Variants in SHCBP1 observed in about 807,000 individuals in gnomAD.
SHCBP1 encodes the protein SHC SH2 domain-binding protein 1.
In SHCBP1, 60 loss-of-function variants were observed where a neutral mutation model predicts 75.1. That is an observed-to-expected ratio of 0.80 (90% CI 0.65 to 0.99). The LOEUF is 0.99. Among genes scored for constraint, SHCBP1 ranks in the 50% least tolerant of loss-of-function variants. The pLI is 0.00. For synonymous variants in SHCBP1, 290 were observed against 293.2 expected, an observed-to-expected ratio of 0.99 and a Z score of 0.11; for missense variants, 709 against 809.4, an observed-to-expected ratio of 0.88 and a Z score of 1.50.
In SHCBP1 at chr16:46,581,957, C is replaced by T; in HGVS notation, c.1791G>A (p.Glu597=). 4 of 1,614,216 alleles carry T rather than the reference C, an allele frequency of 2.5e-6. No individual in the cohort carries two copies. The highest frequency in any genetic ancestry group is 3.4e-6 in the Non-Finnish European group (4 of 1,180,036). Residue 597 remains glutamate, a synonymous_variant, in exon 13 of 13, where the codon GAG becomes GAA. Transcript: ENST00000303383. ...CAGAAGGGTCAGTTCTTGCACAAAG[C>T]TCCATTTTACCAGTTGCACACTCAA... The part of the protein sequence containing the change: ...ELIECATGKM[E]LCARTDPSEQ...
intron 8 of SHCBP1, 83 bp downstream of exon 8, chr16:46,603,456 T>G: frequency 6.3e-7 from 1 of 1,575,072 alleles, no homozygotes; most frequent in Non-Finnish European, 8.7e-7. Context: ...ATCACATTCT[T>G]GGAGTTTCAA....
Position 46,581,885 on chromosome 16 carries a change from G to A in SHCBP1, c.1863C>T (p.Ala621=), listed in dbSNP as rs780547921. 1 of 1,614,068 alleles carries A rather than the reference G, an allele frequency of 6.2e-7. No individual in the cohort carries two copies. The highest frequency in any genetic ancestry group is 1.1e-5 in the South Asian group (1 of 91,072). The change falls in exon 13 of 13, where the codon GCC becomes GCT. Residue 621 remains alanine (A), a synonymous_variant. Transcript: ENST00000303383. ...TCTTTATCTGGCCTTTCTGTGTGGAGGCAGCAATTAGTTCATTTACAATTT... is the reference window on the plus strand; with the variant it reads ...TCTTTATCTGGCCTTTCTGTGTGGAAGCAGCAATTAGTTCATTTACAATTT... ...NCEIVNELIA[A]STQKGQIKKK... is the part of the protein sequence containing the mutation.
intron 10 of SHCBP1, among the ~76,000 whole-genome samples, chr16:46,586,494 T>A (rs1196135330): frequency 6.6e-6 from 1 of 152,120 alleles, no homozygotes; most frequent in Non-Finnish European, 1.5e-5. Context: ...CCAATATTCA[T>A]GTCATCAGAG....
chr16:46,584,288 C>A, intron 10 of SHCBP1, 199 bp from the exon 11 acceptor site: 4 of 366,714 alleles, frequency 1.1e-5, no homozygotes, highest in Admixed American at 5.1e-5. Flanking sequence ...GACAATTTAT[C>A]ATTTTCAAAA....
intron 10 of SHCBP1, among the ~76,000 whole-genome samples, chr16:46,586,397 A>C (rs938250379): frequency 1.3e-5 from 2 of 152,242 alleles, no homozygotes; most frequent in African/African-American, 4.8e-5. Flanking sequence ...GGAAGACAGA[A>C]CAGTAAAATT....
At position 46,603,797 on chromosome 16, in the gene SHCBP1, C is replaced by T. The variant is rs889087060; in HGVS notation, c.1093-138G>A. ...TTGAAGCATCTCCTTTGATAGCGCA[C>T]TGACCTAACACATGCCTGGTAAGTG... On this transcript the variant is annotated intron_variant, in intron 7 of 12. Coordinates refer to ENST00000303383, the MANE Select transcript of SHCBP1 (RefSeq NM_024745.5). 1.5e-5 allele frequency: 20 copies of T among 1,311,772 alleles called. No homozygotes were observed. The African/African-American group carries it at 2.5e-4, about 16-fold the overall frequency. The allele number at this position is 1,311,772 out of a possible 1,614,324, so 81.3% of individuals were successfully genotyped here. A position where few individuals can be genotyped will look rare whatever the true frequency, so the allele number is the denominator to read the frequency against.
At position 46,584,051 on chromosome 16, in the gene SHCBP1, G is replaced by C; in HGVS notation, c.1503C>G (p.Thr501=). ...GIEIYPGSQC[T]LSDNGIHHCK... is the part of the protein sequence containing the mutation. ...AGTGATGGATCCCATTGTCACTCAG[G>C]GTGCACTGACTCCCAGGGTAGATTT... Residue 501 remains threonine (T), a synonymous_variant, in exon 11 of 13, where the codon ACC becomes ACG. Transcript: ENST00000303383. 5 of 1,605,848 alleles carry C rather than the reference G, an allele frequency of 3.1e-6. No homozygotes were observed. Among genetic ancestry groups the C allele is most frequent in the Non-Finnish European group, 4.3e-6 (5 of 1,175,628 alleles).
intron 8 of SHCBP1, among the ~76,000 whole-genome samples, chr16:46,600,796 T>C (rs1003773006): frequency 6.6e-6 from 1 of 152,170 alleles, no homozygotes; most frequent in African/African-American, 2.4e-5. Flanking sequence ...GTGGATCACT[T>C]GAGGTCAGGA....
chr16:46,595,748 T>A (rs1965128307), intron 9 of SHCBP1, 78 bp from the exon 10 acceptor site: 1 of 939,002 alleles, frequency 1.1e-6, no homozygotes, highest in Non-Finnish European at 1.7e-6. Flanking sequence ...CGCGCTGACA[T>A]TAGCTATGGT....
chr16:46,615,907 T>G, intron 4 of SHCBP1, 39 bp downstream of exon 4: 1 of 1,603,136 alleles, frequency 6.2e-7, no homozygotes, highest in Non-Finnish European at 8.5e-7. Flanking sequence ...ATCCAAAGTT[T>G]CTGGCCACAA....
intron 10 of SHCBP1, among the ~76,000 whole-genome samples, chr16:46,585,406 C>T (rs1446613190): frequency 3.9e-5 from 6 of 151,936 alleles, no homozygotes; most frequent in Non-Finnish European, 8.8e-5. Context: ...CAGCTAGGGA[C>T]CTCAGGACCC....
Position 46,583,582 on chromosome 16 carries a change from C to G in SHCBP1, c.1627G>C (p.Gly543Arg). 1 of 1,611,330 alleles carries G rather than the reference C, an allele frequency of 6.2e-7. No individual in the cohort carries two copies. The highest frequency in any genetic ancestry group is 8.5e-7 in the Non-Finnish European group (1 of 1,179,278). ...ATTGTAGGTTTCACCAAGACAACAC[C>G]ATAACCTTCATTATTATGTATTATA... ...NNIIHNNEGY[G>R]VVLVKPTIFS... Residue 543 changes from glycine to arginine, a missense_variant, in exon 12 of 13, where the codon GGT becomes CGT. Physicochemically the swap from Gly to Arg is moderately radical, Grantham distance 125. Coordinates refer to ENST00000303383, the MANE Select transcript of SHCBP1 (RefSeq NM_024745.5).
intron 4 of SHCBP1, among the ~76,000 whole-genome samples, chr16:46,608,770 T>G (rs1965363189): frequency 6.6e-6 from 1 of 151,942 alleles, no homozygotes; most frequent in African/African-American, 2.4e-5. Context: ...CAGCTAATTT[T>G]TTGTATTTTT....
chr16:46,581,681 C>T lies in SHCBP1; in HGVS notation c.*48G>A, dbSNP rs1219181826. ...ACAATGGCAGCAGTGATTCTTAGGG[C>T]AGCATGTGCAAAATCCAGTATTTTG... is the stretch of plus-strand genomic sequence containing the variant. On this transcript the variant is annotated 3_prime_UTR_variant, in exon 13 of 13. Transcript: ENST00000303383. The T allele has an allele frequency of 1.2e-5, 18 of 1,505,134 alleles. No homozygotes were observed. The highest frequency in any genetic ancestry group is 2.8e-5 in the African/African-American group (2 of 72,570). 93.2% of individuals were successfully genotyped at this position (1,505,134 alleles called of 1,614,324 possible).
intron 5 of SHCBP1, among the ~76,000 whole-genome samples, 193 bp downstream of exon 5, chr16:46,608,104 T>C (rs1199444586): frequency 6.6e-6 from 1 of 152,214 alleles, no homozygotes; most frequent in East Asian, 1.9e-4. Flanking sequence ...TTTCATTTAA[T>C]GACTTGTCAA....
At position 46,581,326 on chromosome 16, in the gene SHCBP1, A is replaced by C. The variant is rs1463829445; in HGVS notation, c.*403T>G. ...ATCAGACTCACTGTAATTGGGATGA[A>C]AAGGCAACTCTAAGAAGAATGCTGT... On this transcript the variant is annotated 3_prime_UTR_variant, in exon 13 of 13. Transcript: ENST00000303383. 6.2e-6 allele frequency: 1 copy of C among 161,084 alleles called. No individual in the cohort carries two copies. The highest frequency in any genetic ancestry group is 2.4e-5 in the African/African-American group (1 of 41,658). 10.0% of individuals were successfully genotyped at this position (161,084 alleles called of 1,614,324 possible).
At chr16:46,611,749 G>A (rs1965419579) in intron 4 of SHCBP1, among the ~76,000 whole-genome samples, 3 of 152,156 alleles carry the variant, frequency 2.0e-5, no homozygotes, top group Non-Finnish European at 2.9e-5. Flanking sequence ...AACAGTAACT[G>A]AGGACTTTAT....
chr16:46,587,600 T>C (rs763888180), intron 10 of SHCBP1, among the ~76,000 whole-genome samples: 1 of 151,932 alleles, frequency 6.6e-6, no homozygotes, highest in Non-Finnish European at 1.5e-5. Context: ...CCTAAATATA[T>C]ATGGGTGCAT....
chr16:46,608,133 C>A (rs934747890), intron 5 of SHCBP1, among the ~76,000 whole-genome samples, 164 bp downstream of exon 5: 27 of 152,058 alleles, frequency 1.8e-4, no homozygotes, highest in Admixed American at 2.6e-4. Context: ...ACAATTTGTA[C>A]ATCAGTTTAT....
Sources: gnomAD v4.1 joint callset for allele counts (sites outside exome capture counted in the v4.1 genomes callset) on GRCh38, gnomAD v4.1.1 for gene constraint, MANE v1.5 for transcripts, NCBI Gene and HGNC (gene_info 2026-07-23, HGNC 2026-07-21) for gene names.